The following CFAP54 variants were observed in gnomAD, a reference collection of about 807,000 sequenced individuals.
CFAP54 encodes cilia- and flagella-associated protein 54.
CFAP54 carries 290 observed loss-of-function variants against 370.4 expected under a neutral mutation model. The ratio of observed to expected loss-of-function variants is 0.78; its 90% CI spans 0.71 to 0.86. CFAP54 has a LOEUF of 0.86. Among genes scored for constraint, CFAP54 ranks in the 40% least tolerant of loss-of-function variants. The pLI is 0.00. For missense variants in CFAP54, 3,399 were observed against 3,528.7 expected (o/e 0.96, Z 0.93); for synonymous variants, 1,206 against 1,236.5 (o/e 0.98, Z 0.52).
intron 63 of CFAP54, among the ~76,000 whole-genome samples, chr12:96,796,879 G>C (rs773362242): frequency 2.0e-5 from 3 of 151,474 alleles, no homozygotes; most frequent in Non-Finnish European, 4.4e-5. Context: ...CTACTTTTTT[G>C]TGTTATTTTC....
At chr12:96,604,447 C>T (rs1352400523) in intron 26 of CFAP54, among the ~76,000 whole-genome samples, 1 of 152,226 alleles carries the variant, frequency 6.6e-6, no homozygotes, top group African/African-American at 2.4e-5. Context: ...TGTCCATTAT[C>T]GGAGCTCAAT....
At chr12:96,818,277 A>C (rs549285247) in intron 65 of CFAP54, among the ~76,000 whole-genome samples, 1 of 152,364 alleles carries the variant, frequency 6.6e-6, no homozygotes, top group East Asian at 1.9e-4. Flanking sequence ...TGTGAAGAAA[A>C]ACTAGAAAAT....
At chr12:96,874,091 A>AT (rs1165711100) in intron 67 of CFAP54, among the ~76,000 whole-genome samples, 1 of 152,154 alleles carries the variant, frequency 6.6e-6, no homozygotes, top group African/African-American at 2.4e-5. Context: ...CTATCTCCAG[A>AT]TTCCTGTAGC....
intron 14 of CFAP54, among the ~76,000 whole-genome samples, chr12:96,542,364 G>T (rs573317027): frequency 2.0e-5 from 3 of 152,170 alleles, no homozygotes; most frequent in Non-Finnish European, 4.4e-5. Context: ...ATAGATCAAA[G>T]TTTGACAACC....
intron 4 of CFAP54, among the ~76,000 whole-genome samples, chr12:96,509,087 A>G (rs189051531): frequency 1.3e-3 from 195 of 152,364 alleles, no homozygotes; most frequent in African/African-American, 4.4e-3. Flanking sequence ...AGGAGTGGAC[A>G]GTAGACAAAA....
chr12:96,720,007 A>C (rs567629858), intron 49 of CFAP54, among the ~76,000 whole-genome samples: 1 of 152,182 alleles, frequency 6.6e-6, no homozygotes, highest in Admixed American at 6.5e-5. Context: ...CACATTAAAC[A>C]AGGAGGCTGT....
intron 66 of CFAP54, among the ~76,000 whole-genome samples, chr12:96,859,343 G>A (rs1959803455): frequency 6.6e-6 from 1 of 152,160 alleles, no homozygotes; most frequent in Non-Finnish European, 1.5e-5. Context: ...GCTGGTAAGT[G>A]GTGAGGTCTG....
chr12:96,628,343 G>T (rs1433234973), intron 30 of CFAP54, among the ~76,000 whole-genome samples: 1 of 152,216 alleles, frequency 6.6e-6, no homozygotes, highest in South Asian at 2.1e-4. Flanking sequence ...ATCAAGGAGT[G>T]GAGGAGTTTA....
chr12:96,503,239 TTC>T (rs35808224), intron 2 of CFAP54, among the ~76,000 whole-genome samples: 41,363 of 143,600 alleles, frequency 0.29, 6,317 homozygotes, highest in South Asian at 0.38. Context: ...CTTCCTTTCT[TTC>T]TCTCTCTCTC....
At chr12:96,792,852 A>G (rs553536969) in intron 63 of CFAP54, among the ~76,000 whole-genome samples, 1 of 151,990 alleles carries the variant, frequency 6.6e-6, no homozygotes, top group South Asian at 2.1e-4. Context: ...GTATCTATTA[A>G]GATTATTTTT....
At chr12:96,678,891 G>C (rs1447634978) in intron 39 of CFAP54, among the ~76,000 whole-genome samples, 1 of 152,038 alleles carries the variant, frequency 6.6e-6, no homozygotes, top group Admixed American at 6.6e-5. Context: ...ATTTTACAGG[G>C]GGGCTTCCAC....
intron 66 of CFAP54, among the ~76,000 whole-genome samples, chr12:96,851,732 A>G (rs946837254): frequency 6.6e-6 from 1 of 152,062 alleles, no homozygotes; most frequent in African/African-American, 2.4e-5. Flanking sequence ...ATAAGTAAAG[A>G]TAAGGATGTA....
chr12:96,666,423 A>G (rs1232963544), intron 39 of CFAP54, among the ~76,000 whole-genome samples: 1 of 152,234 alleles, frequency 6.6e-6, no homozygotes, highest in Admixed American at 6.5e-5. Context: ...TGCTGCTCAT[A>G]AAGACATACC....
At chr12:96,864,798 G>A (rs1737333755) in intron 67 of CFAP54, among the ~76,000 whole-genome samples, 1 of 152,096 alleles carries the variant, frequency 6.6e-6, no homozygotes, top group Non-Finnish European at 1.5e-5. Flanking sequence ...GTGTGAGCCT[G>A]CTCCACATTA....
chr12:96,859,178 G>C (rs1959797358), intron 66 of CFAP54, among the ~76,000 whole-genome samples: 2 of 152,154 alleles, frequency 1.3e-5, no homozygotes, highest in Admixed American at 6.5e-5. Flanking sequence ...TTCAATAAAT[G>C]GTGCTGGGGT....
At chr12:96,610,682 C>G (rs1592881108) in intron 26 of CFAP54, among the ~76,000 whole-genome samples, 1 of 152,178 alleles carries the variant, frequency 6.6e-6, no homozygotes, top group East Asian at 1.9e-4. Context: ...TCGGGTCACT[C>G]CCACCCTAAT....
At chr12:96,869,461 T>A (rs1193628036) in intron 67 of CFAP54, among the ~76,000 whole-genome samples, 3 of 152,122 alleles carry the variant, frequency 2.0e-5, no homozygotes, top group African/African-American at 7.2e-5. Context: ...TAGTTCCGCT[T>A]GAGGTGCTGG....
At chr12:96,705,355 A>C (rs577762056) in intron 47 of CFAP54, among the ~76,000 whole-genome samples, 1 of 151,966 alleles carries the variant, frequency 6.6e-6, no homozygotes, top group South Asian at 2.1e-4. Context: ...TAATCTTATT[A>C]CTTTTCTATT....
chr12:96,492,378 C>CGAAA (rs1954894221), intron 1 of CFAP54, among the ~76,000 whole-genome samples: 1 of 152,190 alleles, frequency 6.6e-6, no homozygotes, highest in African/African-American at 2.4e-5. Flanking sequence ...CCTACTGTTT[C>CGAAA]TCACCCCAGA....
Sources: allele counts gnomAD v4.1 joint callset (sites outside exome capture counted in the v4.1 genomes callset), GRCh38; gene constraint gnomAD v4.1.1; transcripts MANE v1.5; gene names NCBI Gene and HGNC (gene_info 2026-07-23, HGNC 2026-07-21).